RPH3A: variants seen among roughly 807,000 people sequenced by gnomAD.
RPH3A encodes the protein rabphilin 3A.
In RPH3A, 48 loss-of-function variants were observed where a neutral mutation model predicts 102.2. That is an observed-to-expected ratio of 0.47 (90% confidence interval 0.37 to 0.60). RPH3A has a LOEUF of 0.60. Among genes scored for constraint, RPH3A ranks in the 20% least tolerant of loss-of-function variants. The pLI is 0.00. For missense variants in RPH3A, 781 were observed against 910.1 expected (o/e 0.86, Z 1.83); for synonymous variants, 310 against 324.3 (o/e 0.96, Z 0.47).
At chr12:112,634,554 A>G (rs988988361) in intron 1 of RPH3A, among the ~76,000 whole-genome samples, 1 of 151,860 alleles carries the variant, frequency 6.6e-6, no homozygotes, top group African/African-American at 2.4e-5. Context: ...AGACTCAAAA[A>G]AAAAAAAAAA....
chr12:112,872,251 G>A (rs1188022587), intron 10 of RPH3A, among the ~76,000 whole-genome samples: 1 of 152,122 alleles, frequency 6.6e-6, no homozygotes, highest in Non-Finnish European at 1.5e-5. Flanking sequence ...CATCCCAGTG[G>A]TGTGAAGTGG....
chr12:112,640,509 A>G (rs1233739063), intron 1 of RPH3A, among the ~76,000 whole-genome samples: 2 of 149,594 alleles, frequency 1.3e-5, no homozygotes, highest in South Asian at 4.3e-4. Context: ...TCTCCTCTAC[A>G]CTCTCTTCTC....
At chr12:112,756,502 A>G (rs1484870498) in intron 1 of RPH3A, among the ~76,000 whole-genome samples, 1 of 152,178 alleles carries the variant, frequency 6.6e-6, no homozygotes. Context: ...ATGAGCCCAC[A>G]CTTTTTAAAA....
At chr12:112,752,981 T>C (rs2040795507) in intron 1 of RPH3A, among the ~76,000 whole-genome samples, 1 of 151,042 alleles carries the variant, frequency 6.6e-6, no homozygotes, top group Admixed American at 6.6e-5. Flanking sequence ...TTTTTTTTTT[T>C]TTTTTTTGCT....
chr12:112,586,239 A>C (rs1477077764), intron 1 of RPH3A, among the ~76,000 whole-genome samples: 1 of 152,224 alleles, frequency 6.6e-6, no homozygotes, highest in African/African-American at 2.4e-5. Flanking sequence ...TATTGCGGAC[A>C]AAGTAATGAA....
chr12:112,654,476 G>C (rs1377901230), intron 1 of RPH3A, among the ~76,000 whole-genome samples: 2 of 151,588 alleles, frequency 1.3e-5, no homozygotes, highest in Non-Finnish European at 2.9e-5. Flanking sequence ...CCACCTCTAG[G>C]AGCTCCTCAG....
chr12:112,824,857 G>A (rs1341566662), intron 2 of RPH3A, among the ~76,000 whole-genome samples: 2 of 152,182 alleles, frequency 1.3e-5, no homozygotes, highest in Non-Finnish European at 2.9e-5. Context: ...GAGCAGGCCA[G>A]ATTCTGCCCT....
At chr12:112,677,836 C>T (rs1358711575) in intron 1 of RPH3A, among the ~76,000 whole-genome samples, 1 of 152,064 alleles carries the variant, frequency 6.6e-6, no homozygotes, top group East Asian at 1.9e-4. Context: ...GTTTTTCTCT[C>T]CAGGTGACAA....
chr12:112,800,449 A>G (rs4766656), intron 2 of RPH3A, among the ~76,000 whole-genome samples: 42,991 of 152,070 alleles, frequency 0.28, 10,445 homozygotes, highest in African/African-American at 0.65. Context: ...ATCTGGTTAG[A>G]CAGGACCTCC....
intron 5 of RPH3A, among the ~76,000 whole-genome samples, chr12:112,859,171 C>G (rs1047219178): frequency 4.4e-4 from 66 of 151,472 alleles, no homozygotes; most frequent in African/African-American, 1.5e-3. Flanking sequence ...CCTTCCATTT[C>G]AAAAAAAAGA....
chr12:112,827,232 G>A (rs1427909109), intron 2 of RPH3A, among the ~76,000 whole-genome samples: 1 of 152,072 alleles, frequency 6.6e-6, no homozygotes, highest in Non-Finnish European at 1.5e-5. Context: ...CCCAGCCTGG[G>A]CAACCACTAA....
intron 1 of RPH3A, among the ~76,000 whole-genome samples, chr12:112,753,826 TC>T: frequency 6.6e-6 from 1 of 152,306 alleles, no homozygotes; most frequent in South Asian, 2.1e-4. Flanking sequence ...GAATATATTA[TC>T]TTATGTGGCA....
chr12:112,727,755 C>G (rs1057141145), intron 1 of RPH3A, among the ~76,000 whole-genome samples: 1 of 152,082 alleles, frequency 6.6e-6, no homozygotes, highest in East Asian at 1.9e-4. Flanking sequence ...GTTTGTGTTC[C>G]TAGGTTAAAC....
intron 2 of RPH3A, among the ~76,000 whole-genome samples, chr12:112,793,996 G>T (rs1194718259): frequency 6.6e-6 from 1 of 152,186 alleles, no homozygotes; most frequent in Non-Finnish European, 1.5e-5. Flanking sequence ...CAGCCCAGCT[G>T]GGATAGCTAA....
intron 1 of RPH3A, among the ~76,000 whole-genome samples, chr12:112,578,670 A>G (rs1047910742): frequency 6.6e-6 from 1 of 152,208 alleles, no homozygotes; most frequent in Non-Finnish European, 1.5e-5. Flanking sequence ...AAATGCGAAC[A>G]TAGCAACCAC....
chr12:112,865,674 G>T (rs960385605), intron 6 of RPH3A, 131 bp downstream of exon 6: 8 of 1,004,190 alleles, frequency 8.0e-6, no homozygotes, highest in Non-Finnish European at 2.8e-6. Context: ...CCAGGATATG[G>T]TTTTTTTCTG....
chr12:112,834,143 C>T (rs1327728348), intron 3 of RPH3A, among the ~76,000 whole-genome samples: 1 of 152,202 alleles, frequency 6.6e-6, no homozygotes, highest in Non-Finnish European at 1.5e-5. Context: ...CCTCCCTCTC[C>T]CCACCCATCC....
At chr12:112,773,123 A>C (rs1055632665) in intron 1 of RPH3A, among the ~76,000 whole-genome samples, 8 of 151,800 alleles carry the variant, frequency 5.3e-5, no homozygotes, top group African/African-American at 1.5e-4. Flanking sequence ...TATATGGTCT[A>C]TATATGTAGT....
chr12:112,872,100 T>A (rs1384994481), intron 10 of RPH3A, among the ~76,000 whole-genome samples: 1 of 152,190 alleles, frequency 6.6e-6, no homozygotes, highest in African/African-American at 2.4e-5. Flanking sequence ...TGTGTTTAAT[T>A]TTTTGAGGAA....
Sources: gnomAD v4.1 joint callset for allele counts (sites outside exome capture counted in the v4.1 genomes callset) on GRCh38, gnomAD v4.1.1 for gene constraint, MANE v1.5 for transcripts, NCBI Gene and HGNC (gene_info 2026-07-23, HGNC 2026-07-21) for gene names.